The following KCNG3 variants were observed in gnomAD, a reference collection of about 807,000 sequenced individuals.
KCNG3 encodes voltage-gated potassium channel regulatory subunit KCNG3.
KCNG3 carries 15 observed loss-of-function variants against 29.0 expected under a neutral mutation model. That is an observed-to-expected ratio of 0.52 (90% CI 0.35 to 0.80). The LOEUF is 0.80. KCNG3 is among the 30% of genes least tolerant of loss of function. KCNG3 has a pLI of 0.01. For missense variants in KCNG3, 512 were observed against 605.7 expected (o/e 0.85, Z 1.62); for synonymous variants, 322 against 248.9 (o/e 1.29, Z -2.76).
At chr2:42,459,294 G>C (rs1405434680) in intron 1 of KCNG3, among the ~76,000 whole-genome samples, 1 of 151,682 alleles carries the variant, frequency 6.6e-6, no homozygotes, top group Non-Finnish European at 1.5e-5. Context: ...TCAGCCCAAA[G>C]CCAGTTCTGA....
chr2:42,448,321 G>A (rs1192066378), intron 1 of KCNG3, among the ~76,000 whole-genome samples: 2 of 151,638 alleles, frequency 1.3e-5, no homozygotes, highest in Non-Finnish European at 2.9e-5. Flanking sequence ...ATAGCCCGGG[G>A]TCTAAATCCT....
chr2:42,493,384 C>A lies in KCNG3; in HGVS notation c.118G>T (p.Gly40Cys), dbSNP rs765391388. The A allele has an allele frequency of 1.9e-6, 3 of 1,539,396 alleles. No individual in the cohort carries two copies. The highest frequency in any genetic ancestry group is 1.7e-4 in the Middle Eastern group (1 of 5,828). Residue 40 changes from glycine (G) to cysteine (C), a missense_variant, in exon 1 of 2, where the codon GGC (glycine) becomes TGC (cysteine). Physicochemically the swap from Gly to Cys is radical, Grantham distance 159. Transcript: ENST00000306078. ...AGCACGTCGCGCTCGGAGCGGCAGC[C>A]GTGCAGCCGGCTCACGCGGCGCAGC... The part of the protein sequence containing the change: ...FPLRRVSRLH[G>C]CRSERDVLEV...
chr2:42,409,269 C>T, the KCNG3 span, among the ~76,000 whole-genome samples: 13 of 152,208 alleles, frequency 8.5e-5, no homozygotes, highest in East Asian at 1.9e-4. Flanking sequence ...GCCAGAAAAA[C>T]GACACCCCAA....
intron 1 of KCNG3, among the ~76,000 whole-genome samples, chr2:42,447,787 T>A (rs1455715720): frequency 1.3e-5 from 2 of 152,316 alleles, no homozygotes; most frequent in East Asian, 3.9e-4. Context: ...TCTGCCCACC[T>A]TGGCCTTCCA....
chr2:42,480,746 G>A (rs1446882363), intron 1 of KCNG3, among the ~76,000 whole-genome samples: 5 of 130,382 alleles, frequency 3.8e-5, no homozygotes, highest in Non-Finnish European at 7.9e-5. Flanking sequence ...GCAGCATATT[G>A]AAACCCCATC....
intron 1 of KCNG3, among the ~76,000 whole-genome samples, chr2:42,480,788 CT>C (rs946642376): frequency 2.1e-4 from 30 of 145,332 alleles, no homozygotes; most frequent in African/African-American, 7.1e-4. Flanking sequence ...AAGTAAAATC[CT>C]TTTTTTTTCT....
At chr2:42,478,209 T>C (rs980765456) in intron 1 of KCNG3, among the ~76,000 whole-genome samples, 1 of 152,118 alleles carries the variant, frequency 6.6e-6, no homozygotes, top group African/African-American at 2.4e-5. Flanking sequence ...GTAAATTACA[T>C]CTATCTATAT....
At chr2:42,473,188 G>A (rs969016550) in intron 1 of KCNG3, among the ~76,000 whole-genome samples, 4 of 151,580 alleles carry the variant, frequency 2.6e-5, no homozygotes, top group Admixed American at 2.0e-4. Context: ...GAGCCACCGC[G>A]TCCGGCCCTC....
chr2:42,471,424 T>G (rs898377740), intron 1 of KCNG3, among the ~76,000 whole-genome samples: 1 of 152,098 alleles, frequency 6.6e-6, no homozygotes, highest in Non-Finnish European at 1.5e-5. Context: ...ATAACTGTAT[T>G]CATATGAAAT....
At chr2:42,418,975 G>C in the KCNG3 span, among the ~76,000 whole-genome samples, 1 of 151,946 alleles carries the variant, frequency 6.6e-6, no homozygotes. Context: ...AGTCCTTTTT[G>C]AACAAAGCTG....
At chr2:42,454,241 G>A (rs1274878187) in intron 1 of KCNG3, among the ~76,000 whole-genome samples, 4 of 152,020 alleles carry the variant, frequency 2.6e-5, no homozygotes, top group African/African-American at 4.8e-5. Flanking sequence ...AAGTAATCAC[G>A]CTTCTGGGTA....
chr2:42,460,016 G>A (rs114310018), intron 1 of KCNG3, among the ~76,000 whole-genome samples: 1 of 150,902 alleles, frequency 6.6e-6, no homozygotes, highest in Non-Finnish European at 1.5e-5. Flanking sequence ...GGGGAAACCA[G>A]ATGAAGGGTA....
At chr2:42,487,110 T>C (rs1228169303) in intron 1 of KCNG3, among the ~76,000 whole-genome samples, 25 of 144,732 alleles carry the variant, frequency 1.7e-4, no homozygotes, top group African/African-American at 5.2e-4. Flanking sequence ...TGAGCTGAGA[T>C]CGTGCCACTG....
chr2:42,469,603 T>C (rs1331001443), intron 1 of KCNG3, among the ~76,000 whole-genome samples: 1 of 152,058 alleles, frequency 6.6e-6, no homozygotes, highest in Admixed American at 6.6e-5. Flanking sequence ...ATAGGTGGAC[T>C]AAAGACTCAA....
At chr2:42,390,564 C>G in the KCNG3 span, among the ~76,000 whole-genome samples, 5 of 152,168 alleles carry the variant, frequency 3.3e-5, no homozygotes, top group Non-Finnish European at 5.9e-5. Context: ...CGTGAATGAT[C>G]AGGAGGAAGA....
the KCNG3 span, among the ~76,000 whole-genome samples, chr2:42,396,600 G>A: frequency 6.6e-6 from 1 of 152,158 alleles, no homozygotes; most frequent in Admixed American, 6.5e-5. Context: ...ACAAGGGCCA[G>A]TGAGAGCTGG....
chr2:42,400,339 G>A, the KCNG3 span, among the ~76,000 whole-genome samples: 1 of 152,164 alleles, frequency 6.6e-6, no homozygotes, highest in Non-Finnish European at 1.5e-5. Flanking sequence ...CCATGACAGT[G>A]CCCATGAGAC....
At chr2:42,446,869 G>C (rs1027798990) in intron 1 of KCNG3, among the ~76,000 whole-genome samples, 1 of 151,998 alleles carries the variant, frequency 6.6e-6, no homozygotes, top group Non-Finnish European at 1.5e-5. Context: ...GGCCAGGCAT[G>C]GTGGCTTATA....
At position 42,493,053 on chromosome 2, in the gene KCNG3, G is replaced by A. The variant is rs1033646354; in HGVS notation, c.449C>T (p.Ser150Phe). ...ARPGGAEAAPSRRWLERMRRT... is the reference protein window; with the variant it reads ...ARPGGAEAAPFRRWLERMRRT... ...CCGCATGCGCTCCAGCCAGCGCCTG[G>A]AGGGAGCCGCCTCGGCCCCGCCGGG... The change falls in exon 1 of 2, where the codon TCC becomes TTC. Residue 150 changes from serine to phenylalanine, a missense_variant. Physicochemically the swap from Ser to Phe is radical, Grantham distance 155. Around this residue, in one of 5 missense-constraint regions of KCNG3, gnomAD observed 228 missense variants for 200.0 expected, o/e 1.14. Transcript: ENST00000306078. 6.6e-7 allele frequency: 1 copy of A among 1,526,224 alleles called. No individual in the cohort carries two copies. Among genetic ancestry groups the A allele is most frequent in the Non-Finnish European group, 8.8e-7 (1 of 1,141,264 alleles). The allele number at this position is 1,526,224 out of a possible 1,614,324, so 94.5% of individuals were successfully genotyped here. A position where few individuals can be genotyped will look rare whatever the true frequency, so the allele number is the denominator to read the frequency against.
Sources: gnomAD v4.1 joint callset for allele counts (sites outside exome capture counted in the v4.1 genomes callset) on GRCh38, gnomAD v4.1.1 for gene constraint, gnomAD v4.1.1 regional missense constraint, MANE v1.5 for transcripts, NCBI Gene and HGNC (gene_info 2026-07-23, HGNC 2026-07-21) for gene names.